The following KCTD8 variants were observed in gnomAD, a reference collection of about 807,000 sequenced individuals.
The protein encoded by KCTD8 is potassium channel tetramerization domain containing 8, also known as BTB/POZ domain-containing protein KCTD8.
A neutral mutation model predicts 31.5 loss-of-function variants in KCTD8; 27 were observed. The ratio of observed to expected loss-of-function variants is 0.86; its 90% CI spans 0.63 to 1.18. The LOEUF is 1.18. Among genes scored for constraint, KCTD8 ranks in the 50% most tolerant of loss-of-function variants. The pLI is 0.00. For synonymous variants in KCTD8, 290 were observed against 280.0 expected (o/e 1.04, Z -0.36); for missense variants, 658 against 647.7 (o/e 1.02, Z -0.17).
intron 1 of KCTD8, among the ~76,000 whole-genome samples, chr4:44,245,395 C>A (rs1189548038): frequency 6.6e-6 from 1 of 151,992 alleles, no homozygotes; most frequent in Non-Finnish European, 1.5e-5. Context: ...TGTTTGTAAA[C>A]CTCAGAAAAT....
At chr4:44,268,249 C>A (rs11941303) in intron 1 of KCTD8, among the ~76,000 whole-genome samples, 16,878 of 149,832 alleles carry the variant, frequency 0.11, 1,122 homozygotes, top group East Asian at 0.22. Flanking sequence ...ATATGCAAAT[C>A]AATAAATGTA....
chr4:44,336,860 T>C (rs866701472), intron 1 of KCTD8, among the ~76,000 whole-genome samples: 4 of 152,094 alleles, frequency 2.6e-5, no homozygotes, highest in Non-Finnish European at 5.9e-5. Context: ...AAATTATATC[T>C]TCACTGTATA....
chr4:44,385,900 T>C (rs962111106), intron 1 of KCTD8, among the ~76,000 whole-genome samples: 1 of 151,558 alleles, frequency 6.6e-6, no homozygotes, highest in Admixed American at 6.6e-5. Flanking sequence ...AGTACTTGAA[T>C]AGACATTTCT....
In KCTD8 at chr4:44,380,919, T is replaced by C. The variant is rs529700941; in HGVS notation, c.961+66644A>G. 3.3e-5 allele frequency among the ~76,000 whole-genome samples: 5 copies of C among 152,124 alleles called. No individual in the cohort carries two copies. In the East Asian group the frequency reaches 7.8e-4, roughly 24 times the overall value. ...TCTCAAAGTGAAACCTTCCTTTAAT[T>C]TTTTTACATTAGAATTATGAAGTCA... On this transcript the variant is annotated intron_variant, in intron 1 of 1. Coordinates refer to ENST00000360029, the MANE Select transcript of KCTD8 (RefSeq NM_198353.3).
chr4:44,264,434 C>T (rs1716273781), intron 1 of KCTD8, among the ~76,000 whole-genome samples: 1 of 152,040 alleles, frequency 6.6e-6, no homozygotes. Flanking sequence ...GTCAGCATTA[C>T]ATTATAAAGT....
At chr4:44,252,266 T>A (rs1346332312) in intron 1 of KCTD8, among the ~76,000 whole-genome samples, 2 of 151,590 alleles carry the variant, frequency 1.3e-5, no homozygotes, top group African/African-American at 4.9e-5. Flanking sequence ...ATCTACTCAT[T>A]GATTGATGGG....
At chr4:44,244,981 C>T (rs1009849657) in intron 1 of KCTD8, among the ~76,000 whole-genome samples, 5 of 152,040 alleles carry the variant, frequency 3.3e-5, no homozygotes, top group African/African-American at 1.2e-4. Context: ...GACATCGTAC[C>T]CTTTTGCCAC....
In KCTD8 at chr4:44,296,779, A is replaced by G. The variant is rs374182815; in HGVS notation, c.962-121529T>C. 3.3e-5 allele frequency among the ~76,000 whole-genome samples: 5 copies of G among 151,940 alleles called. No individual in the cohort carries two copies. In the East Asian group the frequency reaches 5.8e-4, roughly 18 times the overall value. ...TTTAGTTTCTGTGATTTTTTTTGAA[A>G]GTTTTTTTGAGTATTTCCCACAGCA... On this transcript the variant is annotated intron_variant, in intron 1 of 1. Coordinates refer to ENST00000360029, the MANE Select transcript of KCTD8 (RefSeq NM_198353.3).
At chr4:44,302,198 C>G (rs150215844) in intron 1 of KCTD8, among the ~76,000 whole-genome samples, 1 of 152,060 alleles carries the variant, frequency 6.6e-6, no homozygotes, top group Non-Finnish European at 1.5e-5. Flanking sequence ...CTTGGGATTG[C>G]GGGCTCTTTT....
At chr4:44,398,841 G>A (rs764039271) in intron 1 of KCTD8, among the ~76,000 whole-genome samples, 6 of 152,166 alleles carry the variant, frequency 3.9e-5, no homozygotes, top group Admixed American at 3.9e-4. Context: ...AAGAGCACGG[G>A]TGGTTTCAGG....
chr4:44,313,309 A>C (rs1247887133), intron 1 of KCTD8, among the ~76,000 whole-genome samples: 1 of 152,166 alleles, frequency 6.6e-6, no homozygotes, highest in Non-Finnish European at 1.5e-5. Context: ...TAACAAAGGG[A>C]GATATTTCTC....
At chr4:44,242,451 T>G (rs1452646027) in intron 1 of KCTD8, among the ~76,000 whole-genome samples, 1 of 151,790 alleles carries the variant, frequency 6.6e-6, no homozygotes, top group Non-Finnish European at 1.5e-5. Context: ...GGTGGCTGGC[T>G]CCTGTAGTCC....
chr4:44,385,475 A>G (rs1720186701), intron 1 of KCTD8, among the ~76,000 whole-genome samples: 1 of 151,722 alleles, frequency 6.6e-6, no homozygotes, highest in South Asian at 2.1e-4. Flanking sequence ...TCAACAAATA[A>G]TGCTTGGAAA....
intron 1 of KCTD8, among the ~76,000 whole-genome samples, chr4:44,389,977 G>A (rs566140641): frequency 2.6e-5 from 4 of 151,574 alleles, no homozygotes; most frequent in African/African-American, 7.2e-5. Flanking sequence ...CTTTTTGATG[G>A]GATTGTTTGT....
intron 1 of KCTD8, among the ~76,000 whole-genome samples, chr4:44,436,804 AT>A (rs1474974535): frequency 5.9e-5 from 9 of 152,122 alleles, no homozygotes; most frequent in Admixed American, 5.9e-4. Context: ...AAAAATGACA[AT>A]AACATCTAAG....
intron 1 of KCTD8, among the ~76,000 whole-genome samples, chr4:44,220,674 A>T (rs1266561507): frequency 2.0e-5 from 3 of 152,178 alleles, no homozygotes; most frequent in Non-Finnish European, 4.4e-5. Context: ...ATTAAGACAT[A>T]AGAACAACAC....
At chr4:44,386,652 T>G (rs147520168) in intron 1 of KCTD8, among the ~76,000 whole-genome samples, 2 of 151,668 alleles carry the variant, frequency 1.3e-5, no homozygotes, top group East Asian at 3.9e-4. Context: ...TTGGCGGGAA[T>G]GTAAGTCAGT....
intron 1 of KCTD8, among the ~76,000 whole-genome samples, chr4:44,244,942 G>C (rs751796480): frequency 1.8e-4 from 28 of 151,654 alleles, no homozygotes; most frequent in Non-Finnish European, 3.4e-4. Context: ...TTTGAGTGTT[G>C]GCTGAAGCCT....
At chr4:44,256,678 A>G (rs1276259777) in intron 1 of KCTD8, among the ~76,000 whole-genome samples, 2 of 151,878 alleles carry the variant, frequency 1.3e-5, no homozygotes, top group Non-Finnish European at 2.9e-5. Flanking sequence ...GGCCTTTGTA[A>G]GCAGGAGGCA....
Sources: allele counts gnomAD v4.1 joint callset (sites outside exome capture counted in the v4.1 genomes callset), GRCh38; gene constraint gnomAD v4.1.1; transcripts MANE v1.5; gene names NCBI Gene and HGNC (gene_info 2026-07-23, HGNC 2026-07-21).